The following XKR4 variants were observed in gnomAD, a reference collection of about 807,000 sequenced individuals.
The protein encoded by XKR4 is XK related 4, also known as XK-related protein 4.
Under a neutral mutation model 53.9 loss-of-function variants are expected in XKR4, and 12 were observed. The observed-to-expected ratio is 0.22, with a 90% CI of 0.14 to 0.36. The LOEUF is 0.36. Among genes scored for constraint, XKR4 ranks in the 10% least tolerant of loss-of-function variants. The probability of loss-of-function intolerance (pLI) is 1.00; values close to 1 mark genes in which losing one functional copy is unlikely to be tolerated. For missense variants in XKR4, 799 were observed against 859.5 expected, an observed-to-expected ratio of 0.93 and a Z score of 0.88; for synonymous variants, 354 against 362.4, an observed-to-expected ratio of 0.98 and a Z score of 0.26.
At chr8:55,233,795 T>C (rs1300745536) in intron 1 of XKR4, among the ~76,000 whole-genome samples, 2 of 152,156 alleles carry the variant, frequency 1.3e-5, no homozygotes, top group Non-Finnish European at 2.9e-5. Context: ...TCCTTTAATA[T>C]TGGATTAAGA....
At chr8:55,457,042 A>G (rs575907777) in intron 2 of XKR4, among the ~76,000 whole-genome samples, 3 of 152,120 alleles carry the variant, frequency 2.0e-5, no homozygotes, top group Non-Finnish European at 4.4e-5. Context: ...ATGACTCATC[A>G]GATATGGAAA....
Position 55,102,742 on chromosome 8 carries a change from G to C in XKR4, c.254G>C (p.Gly85Ala). ...TCGGGCGGCTCCGGCGGCGTCGCCG[G>C]CCCGGGCGGCGGCGGGGCGGGCTCG... ...AGSGGSGGVA[G>A]PGGGGAGSAA... Residue 85 changes from glycine to alanine, a missense_variant, in exon 1 of 3, where the codon GGC becomes GCC. Physicochemically the swap from Gly to Ala is moderately conservative, Grantham distance 60. Around this residue, in one of 3 missense-constraint regions of XKR4, gnomAD observed 476 missense variants for 505.4 expected, o/e 0.94. Coordinates refer to ENST00000327381, the MANE Select transcript of XKR4 (RefSeq NM_052898.2). This position sits in a 1 kb window ranked among gnomAD's most constrained non-coding sequence, Gnocchi z 5.1. The C allele has an allele frequency of 8.3e-7, 1 of 1,211,050 alleles. No homozygotes were observed. The allele number at this position is 1,211,050 out of a possible 1,614,324, so 75.0% of individuals were successfully genotyped here.
intron 2 of XKR4, among the ~76,000 whole-genome samples, chr8:55,419,323 T>C (rs1804893071): frequency 6.6e-6 from 1 of 152,122 alleles, no homozygotes; most frequent in South Asian, 2.1e-4. Flanking sequence ...AGGCAGAGAT[T>C]GCAGTGAGCC....
chr8:55,333,812 C>T (rs1803413775), intron 1 of XKR4, among the ~76,000 whole-genome samples: 1 of 152,150 alleles, frequency 6.6e-6, no homozygotes, highest in African/African-American at 2.4e-5. Context: ...GAGCTGGGGA[C>T]TGGAGCACTG....
chr8:55,420,732 A>C (rs1169556128), intron 2 of XKR4, among the ~76,000 whole-genome samples: 1 of 151,972 alleles, frequency 6.6e-6, no homozygotes, highest in Non-Finnish European at 1.5e-5. Flanking sequence ...ACATGTATAC[A>C]TATGTAACTA....
chr8:55,439,938 CA>C (rs1235076040), intron 2 of XKR4, among the ~76,000 whole-genome samples: 1 of 151,888 alleles, frequency 6.6e-6, no homozygotes, highest in Non-Finnish European at 1.5e-5. Context: ...TGCAGGACGC[CA>C]AAAAACCAAA....
chr8:55,204,681 T>A (rs1682536994), intron 1 of XKR4, among the ~76,000 whole-genome samples: 2 of 152,186 alleles, frequency 1.3e-5, no homozygotes, highest in Non-Finnish European at 2.9e-5. Context: ...AAGATTGGAA[T>A]TTGGAGTGGG....
At chr8:55,491,250 C>T (rs975732795) in intron 2 of XKR4, among the ~76,000 whole-genome samples, 2 of 152,136 alleles carry the variant, frequency 1.3e-5, no homozygotes, top group Admixed American at 6.5e-5. Context: ...TTTATAATAG[C>T]AGTTTTTAAA....
chr8:55,216,477 C>T (rs2129364562), intron 1 of XKR4, among the ~76,000 whole-genome samples: 1 of 152,232 alleles, frequency 6.6e-6, no homozygotes, highest in South Asian at 2.1e-4. Flanking sequence ...CCTGTAATCC[C>T]AGCACTTTGA....
intron 2 of XKR4, among the ~76,000 whole-genome samples, chr8:55,503,325 A>G (rs1159181597): frequency 6.6e-6 from 1 of 152,154 alleles, no homozygotes; most frequent in Non-Finnish European, 1.5e-5. Flanking sequence ...AAAACAGGAT[A>G]TCTTTCCACT....
chr8:55,391,424 G>A (rs553313332), intron 2 of XKR4, among the ~76,000 whole-genome samples: 23 of 152,218 alleles, frequency 1.5e-4, no homozygotes, highest in South Asian at 6.2e-4. Flanking sequence ...CATAATGTAC[G>A]TTTAAAAAGA....
At chr8:55,248,790 G>T (rs186181910) in intron 1 of XKR4, among the ~76,000 whole-genome samples, 6 of 151,834 alleles carry the variant, frequency 4.0e-5, no homozygotes, top group Admixed American at 3.9e-4. Flanking sequence ...TCCCTGTCTG[G>T]GGTCTCCTGC....
intron 1 of XKR4, among the ~76,000 whole-genome samples, chr8:55,351,405 T>C (rs1449967926): frequency 1.3e-5 from 2 of 152,166 alleles, no homozygotes; most frequent in Non-Finnish European, 2.9e-5. Context: ...CAAGGTGCTA[T>C]AAAAACAAAC....
chr8:55,368,062 G>A (rs1472840667), intron 2 of XKR4, among the ~76,000 whole-genome samples: 4 of 152,160 alleles, frequency 2.6e-5, no homozygotes. Flanking sequence ...CCAGGTTCAA[G>A]CGATTCCCGT....
chr8:55,452,903 G>T (rs1805476737), intron 2 of XKR4: 13 of 798,508 alleles, frequency 1.6e-5, no homozygotes, highest in Non-Finnish European at 2.9e-5. Context: ...AGTTGGTATA[G>T]TGGATGGCCT....
chr8:55,436,785 C>G (rs1352223294), intron 2 of XKR4, among the ~76,000 whole-genome samples: 1 of 152,160 alleles, frequency 6.6e-6, no homozygotes, highest in African/African-American at 2.4e-5. Flanking sequence ...TTCTCAAAGC[C>G]AAAGTGTTGG....
At chr8:55,307,178 G>A (rs919211035) in intron 1 of XKR4, among the ~76,000 whole-genome samples, 4 of 152,182 alleles carry the variant, frequency 2.6e-5, no homozygotes, top group Admixed American at 6.5e-5. Flanking sequence ...CTCTGTGGAA[G>A]ACTCTGCTAA....
At chr8:55,519,742 G>A (rs933810064) in intron 2 of XKR4, among the ~76,000 whole-genome samples, 3 of 152,098 alleles carry the variant, frequency 2.0e-5, no homozygotes, top group African/African-American at 7.2e-5. Flanking sequence ...GATTGAAGTT[G>A]ATAACTTTAT....
chr8:55,263,288 A>C (rs548287922), intron 1 of XKR4, among the ~76,000 whole-genome samples: 1 of 152,314 alleles, frequency 6.6e-6, no homozygotes, highest in South Asian at 2.1e-4. Flanking sequence ...GATGTGTGAC[A>C]CCACCGTGGC....
Sources: gnomAD v4.1 joint callset for allele counts (sites outside exome capture counted in the v4.1 genomes callset) on GRCh38, gnomAD v4.1.1 for gene constraint, gnomAD v4.1.1 regional missense constraint, Gnocchi (gnomAD v3.1) non-coding constraint, MANE v1.5 for transcripts, NCBI Gene and HGNC (gene_info 2026-07-23, HGNC 2026-07-21) for gene names.